CFAP47: variants seen among roughly 807,000 people sequenced by gnomAD.
The protein encoded by CFAP47 is cilia- and flagella-associated protein 47.
In CFAP47, 29 loss-of-function variants were observed where a neutral mutation model predicts 148.1. The observed-to-expected ratio is 0.20, with a 90% CI of 0.15 to 0.27. The LOEUF (loss-of-function observed/expected upper bound fraction) is 0.27. CFAP47 is among the 10% of genes least tolerant of loss of function. The pLI, the probability that CFAP47 is intolerant of heterozygous loss-of-function variation, is 1.00. For synonymous variants in CFAP47, 664 were observed against 577.3 expected, an observed-to-expected ratio of 1.15 and a Z score of -2.15; for missense variants, 1,872 against 1,697.5, an observed-to-expected ratio of 1.10 and a Z score of -1.81.
chrX:36,224,778 C>T lies in CFAP47; in HGVS notation c.6818-3850C>T, dbSNP rs782330052. Among the ~76,000 whole-genome samples the T allele has an allele frequency of 3.6e-5, 4 of 111,670 alleles. No homozygotes were observed. In the East Asian group the frequency reaches 1.1e-3, roughly 32 times the overall value. On this transcript the variant is annotated intron_variant, in intron 45 of 63. Coordinates refer to ENST00000378653, the MANE Select transcript of CFAP47 (RefSeq NM_001304548.2). The stretch of plus-strand genomic sequence containing the variant: ...GAGATGATAAGCTGTCCTAAATGAG[C>T]TCAGGCCACAGAATTATGAGCAAAT...
At chrX:36,055,972 T>G (rs1360174485) in intron 26 of CFAP47, among the ~76,000 whole-genome samples, 4 of 110,300 alleles carry the variant, frequency 3.6e-5, no homozygotes, top group African/African-American at 9.9e-5. Context: ...TTGAGAAGTG[T>G]CTGTTTATGT....
At chrX:36,195,168 G>A (rs1939906881) in intron 42 of CFAP47, among the ~76,000 whole-genome samples, 1 of 112,790 alleles carries the variant, frequency 8.9e-6, no homozygotes, top group Non-Finnish European at 1.9e-5. Flanking sequence ...TAGACAGATT[G>A]TGACAATTTC....
intron 4 of CFAP47, among the ~76,000 whole-genome samples, chrX:35,949,774 A>G (rs770598001): frequency 2.2e-4 from 25 of 112,273 alleles, no homozygotes; most frequent in Non-Finnish European, 4.3e-4. Flanking sequence ...TATTTGCATT[A>G]TACTTACTAG....
At chrX:36,033,295 G>T (rs1414676091) in intron 23 of CFAP47, among the ~76,000 whole-genome samples, 1 of 111,729 alleles carries the variant, frequency 9.0e-6, no homozygotes, top group African/African-American at 3.2e-5. Flanking sequence ...GAGGAATTTG[G>T]TGGGACAACT....
intron 26 of CFAP47, among the ~76,000 whole-genome samples, chrX:36,062,404 A>G (rs1461240520): frequency 9.0e-6 from 1 of 111,678 alleles, no homozygotes; most frequent in Non-Finnish European, 1.9e-5. Context: ...AATTGCTCAG[A>G]CAACCATAAA....
At chrX:36,222,188 A>C (rs1940219350) in intron 45 of CFAP47, among the ~76,000 whole-genome samples, 1 of 112,169 alleles carries the variant, frequency 8.9e-6, no homozygotes, top group African/African-American at 3.2e-5. Context: ...AGGCAAGTCC[A>C]GTGCTTTCAG....
chrX:36,272,932 C>T (rs1940975862), intron 49 of CFAP47, among the ~76,000 whole-genome samples: 1 of 110,314 alleles, frequency 9.1e-6, no homozygotes, highest in African/African-American at 3.3e-5. Context: ...TTTATAATTT[C>T]TCATATTATA....
intron 4 of CFAP47, 74 bp from the exon 5 acceptor site, chrX:35,951,057 G>A: frequency 1.4e-6 from 1 of 709,533 alleles, no homozygotes. Flanking sequence ...TTGTCGAAAT[G>A]TGTGGGAGAA....
intron 25 of CFAP47, among the ~76,000 whole-genome samples, chrX:36,040,233 A>G (rs1937387089): frequency 8.9e-6 from 1 of 112,199 alleles, no homozygotes; most frequent in Non-Finnish European, 1.9e-5. Flanking sequence ...AAGATATAAA[A>G]GTCATCAAAT....
chrX:35,967,160 T>C (rs1936419708), intron 9 of CFAP47, among the ~76,000 whole-genome samples: 1 of 111,378 alleles, frequency 9.0e-6, no homozygotes, highest in Admixed American at 9.6e-5. Flanking sequence ...TATTGATGTA[T>C]ACAGTTTATT....
At chrX:35,981,739 A>G (rs1936648103) in intron 15 of CFAP47, among the ~76,000 whole-genome samples, 1 of 111,144 alleles carries the variant, frequency 9.0e-6, no homozygotes, top group Admixed American at 9.6e-5. Flanking sequence ...TGTGTATTCT[A>G]TGTTTAGCTC....
At chrX:36,352,701 A>G (rs1941752302) in intron 59 of CFAP47, among the ~76,000 whole-genome samples, 1 of 110,628 alleles carries the variant, frequency 9.0e-6, no homozygotes, top group South Asian at 3.7e-4. Flanking sequence ...CTAATGTCAA[A>G]ATAATACATT....
At chrX:36,056,413 G>A (rs779083831) in intron 26 of CFAP47, among the ~76,000 whole-genome samples, 6 of 111,589 alleles carry the variant, frequency 5.4e-5, no homozygotes, top group Non-Finnish European at 7.5e-5. Context: ...AAAGGGCTTC[G>A]CAGACTTACA....
At chrX:36,196,466 A>G (rs925172406) in intron 42 of CFAP47, among the ~76,000 whole-genome samples, 3 of 111,479 alleles carry the variant, frequency 2.7e-5, no homozygotes, top group Non-Finnish European at 5.7e-5. Context: ...TTTTCTGTCT[A>G]GGTAAATGCA....
At chrX:35,962,926 GGTGTGTGTGTGTGT>G (rs59734260) in intron 8 of CFAP47, among the ~76,000 whole-genome samples, 16 of 90,793 alleles carry the variant, frequency 1.8e-4, no homozygotes, top group Middle Eastern at 5.6e-3. Context: ...AATAAAATGT[GGTGTGTGTGTGTGT>G]GTGTGTGTGT....
intron 39 of CFAP47, among the ~76,000 whole-genome samples, chrX:36,170,503 T>C (rs187004801): frequency 9.1e-6 from 1 of 109,668 alleles, no homozygotes; most frequent in Non-Finnish European, 1.9e-5. Context: ...TGTGTCCATG[T>C]GTTCTCATTG....
chrX:36,170,246 T>C (rs1221213449), intron 39 of CFAP47, among the ~76,000 whole-genome samples: 2 of 111,959 alleles, frequency 1.8e-5, no homozygotes, highest in African/African-American at 3.2e-5. Flanking sequence ...ACCTGTGGTT[T>C]TTGTTGCTTA....
chrX:35,925,814 G>A (rs892701153), intron 1 of CFAP47, among the ~76,000 whole-genome samples: 5 of 111,434 alleles, frequency 4.5e-5, no homozygotes, highest in Non-Finnish European at 9.4e-5. Context: ...ACACCACCAC[G>A]CCCGGCTAGT....
chrX:36,350,138 T>C lies in CFAP47; in HGVS notation c.8698+6T>C. On this transcript the variant is annotated splice_donor_region_variant and intron_variant, in intron 59 of 63. Transcript: ENST00000378653. ...ACCTCCTAAATCTCCCCCAGGTAGGTATACATTAGGGTCAGAGAATGCCAG... is the reference window on the plus strand; with the variant it reads ...ACCTCCTAAATCTCCCCCAGGTAGGCATACATTAGGGTCAGAGAATGCCAG... 9.3e-7 allele frequency: 1 copy of C among 1,069,847 alleles called. No individual in the cohort carries two copies. Among genetic ancestry groups the C allele is most frequent in the Non-Finnish European group, 1.3e-6 (1 of 785,213 alleles). 88.2% of individuals were successfully genotyped at this position (1,069,847 alleles called of 1,213,427 possible).
Sources: allele counts gnomAD v4.1 joint callset (sites outside exome capture counted in the v4.1 genomes callset), GRCh38; gene constraint gnomAD v4.1.1; transcripts MANE v1.5; gene names NCBI Gene and HGNC (gene_info 2026-07-23, HGNC 2026-07-21).